SLC13A5: variants seen among roughly 807,000 people sequenced by gnomAD.
SLC13A5 encodes the protein Na(+)/citrate cotransporter.
Under a neutral mutation model 56.5 loss-of-function variants are expected in SLC13A5, and 25 were observed. The observed-to-expected ratio is 0.44, with a 90% CI of 0.32 to 0.62. SLC13A5 has a LOEUF of 0.62. SLC13A5 is among the 20% of genes least tolerant of loss of function. SLC13A5 has a pLI of 0.04. For synonymous variants in SLC13A5, 307 were observed against 301.5 expected, an observed-to-expected ratio of 1.02 and a Z score of -0.19; for missense variants, 649 against 737.8, an observed-to-expected ratio of 0.88 and a Z score of 1.39.
Position 6,693,178 on chromosome 17 carries a change from AACACACACACACACACACACAC to A in SLC13A5, c.1157-38_1157-17del, listed in dbSNP as rs200900896. On this transcript the variant is annotated splice_polypyrimidine_tract_variant and intron_variant, in intron 8 of 11. Transcript: ENST00000433363. ...GTTTTCCTTTCTGGGAAGAAAAAGA[AACACACACACACACACACACAC>A]ACACACACACACACACACACACACA... 66 of 697,956 alleles carry A rather than the reference AACACACACACACACACACACAC, an allele frequency of 9.5e-5. No individual in the cohort carries two copies. The highest frequency in any genetic ancestry group is 5.2e-4 in the East Asian group (15 of 28,646). The allele number at this position is 697,956 out of a possible 1,614,324, so 43.2% of individuals were successfully genotyped here.
intron 1 of SLC13A5, among the ~76,000 whole-genome samples, chr17:6,708,259 C>T (rs375616242): frequency 2.1e-4 from 32 of 152,228 alleles, no homozygotes; most frequent in African/African-American, 7.2e-4. Flanking sequence ...TGAGCCACCG[C>T]GCCCAACCTC....
chr17:6,706,895 G>A (rs1321033198), intron 2 of SLC13A5, 117 bp from the exon 3 acceptor site: 3 of 1,553,082 alleles, frequency 1.9e-6, no homozygotes, highest in Admixed American at 3.6e-5. Context: ...CTCGAGTGGT[G>A]TCTCCCTGCC....
At position 6,687,868 on chromosome 17, in the gene SLC13A5, A is replaced by G. The variant is rs940732505; in HGVS notation, c.1438-202T>C. 7.2e-6 allele frequency: 4 copies of G among 552,096 alleles called. No homozygotes were observed. Among genetic ancestry groups the G allele is most frequent in the African/African-American group, 5.9e-5 (3 of 51,090 alleles). 34.2% of individuals were successfully genotyped at this position (552,096 alleles called of 1,614,324 possible). A position where few individuals can be genotyped will look rare whatever the true frequency, so the allele number is the denominator to read the frequency against. ...GCTGAGGTCAGAGGCCACCTGCCCT[A>G]GAAGGCCTTACCCCCTCAATTCATT... On this transcript the variant is annotated intron_variant, in intron 10 of 11. Transcript: ENST00000433363. The surrounding 1 kb of genome is among the most constrained non-coding windows in gnomAD (Gnocchi z 5.0).
intron 1 of SLC13A5, among the ~76,000 whole-genome samples, chr17:6,709,786 C>G (rs532802028): frequency 6.6e-6 from 1 of 152,158 alleles, no homozygotes; most frequent in African/African-American, 2.4e-5. Context: ...CAGCATCCCA[C>G]GAGCAAACCA....
intron 4 of SLC13A5, among the ~76,000 whole-genome samples, chr17:6,703,516 A>G (rs1973775306): frequency 1.3e-5 from 2 of 152,164 alleles, no homozygotes; most frequent in Admixed American, 1.3e-4. Flanking sequence ...GAAGGATTTG[A>G]GCTGCTCGAG....
intron 3 of SLC13A5, chr17:6,704,380 G>T (rs1268545688): frequency 2.2e-6 from 1 of 462,674 alleles, no homozygotes. Context: ...TCTAGCAGGG[G>T]AAGCCCAGGC....
In SLC13A5 at chr17:6,697,078, C is replaced by T. The variant is rs567485484; in HGVS notation, c.840-1137G>A. ...CTAGGATCTCCCTGCTGGGCAAGGC[C>T]GTGTGTCCTGAGGGTCACCCGCTAG... On this transcript the variant is annotated intron_variant, in intron 6 of 11. Transcript: ENST00000433363. Among the ~76,000 whole-genome samples the T allele has an allele frequency of 1.4e-4, 21 of 152,254 alleles. 1 individual carries two copies. The East Asian group carries it at 4.1e-3, about 29-fold the overall frequency.
At chr17:6,703,196 C>T (rs1973765380) in intron 4 of SLC13A5, 58 bp from the exon 5 acceptor site, 29 of 1,597,484 alleles carry the variant, frequency 1.8e-5, no homozygotes, top group Non-Finnish European at 2.4e-5. Context: ...CACCCAGCCC[C>T]AGGTCCTGAC....
chr17:6,691,027 C>G, intron 9 of SLC13A5, 87 bp from the exon 10 acceptor site: 1 of 1,448,902 alleles, frequency 6.9e-7, no homozygotes, highest in South Asian at 1.3e-5. Context: ...ATCCTCCCCT[C>G]CCGACCCTCT....
Position 6,693,139 on chromosome 17 carries a change from G to A in SLC13A5, c.1180C>T (p.Pro394Ser). ...EEERKTPFYP[P>S]PLLDWKVTQE... Reference sequence around the variant, plus strand: ...GTTACCTTCCAATCCAGCAGGGGAGGGGGATAAAATGGAGTTTTCCTTTCT... The same window carrying A: ...GTTACCTTCCAATCCAGCAGGGGAGAGGGATAAAATGGAGTTTTCCTTTCT... The change falls in exon 9 of 12, where the codon CCT becomes TCT. Residue 394 changes from proline (P) to serine (S), a missense_variant. Pro to Ser is a moderately conservative substitution (Grantham distance 74, BLOSUM62 -1). Coordinates refer to ENST00000433363, the MANE Select transcript of SLC13A5 (RefSeq NM_177550.5). 1 of 1,603,802 alleles carries A rather than the reference G, an allele frequency of 6.2e-7. No homozygotes were observed. The highest frequency in any genetic ancestry group is 8.5e-7 in the Non-Finnish European group (1 of 1,175,424).
chr17:6,695,253 A>C (rs966995084), intron 7 of SLC13A5, among the ~76,000 whole-genome samples: 1 of 152,192 alleles, frequency 6.6e-6, no homozygotes, highest in Admixed American at 6.5e-5. Context: ...TCATGAAACC[A>C]ACAGAGTGCT....
Position 6,692,194 on chromosome 17 carries a change from T to C in SLC13A5, c.1275+850A>G, listed in dbSNP as rs1185546113. Among the ~76,000 whole-genome samples the C allele has an allele frequency of 6.6e-6, 1 of 150,786 alleles. No individual in the cohort carries two copies. Among genetic ancestry groups the C allele is most frequent in the African/African-American group, 2.4e-5 (1 of 40,850 alleles). Reference sequence around the variant, plus strand: ...ATGGGTGGATGGATGGATGGATAGATAGATGGGTGGATAGATAGATGGGTG... The same window carrying C: ...ATGGGTGGATGGATGGATGGATAGACAGATGGGTGGATAGATAGATGGGTG... On this transcript the variant is annotated intron_variant, in intron 9 of 11. Transcript: ENST00000433363. The surrounding 1 kb of genome is among the most constrained non-coding windows in gnomAD (Gnocchi z 5.5).
At chr17:6,686,530 G>C (rs1973256933) in intron 11 of SLC13A5, 192 bp from the exon 12 acceptor site, 8 of 622,790 alleles carry the variant, frequency 1.3e-5, no homozygotes, top group Non-Finnish European at 2.2e-5. Flanking sequence ...GCATCCCTGG[G>C]AAGTAGGCAG....
In SLC13A5 at chr17:6,685,491, G is replaced by A. The variant is rs1973218446; in HGVS notation, c.*716C>T. 1 of 152,494 alleles carries A rather than the reference G, an allele frequency of 6.6e-6. No homozygotes were observed. Among genetic ancestry groups the A allele is most frequent in the African/African-American group, 2.4e-5 (1 of 41,464 alleles). The allele number at this position is 152,494 out of a possible 1,614,324, so 9.4% of individuals were successfully genotyped here. ...AGGCTCACTGGAGAGGTGGGACAGG[G>A]GGCCAGTCGATTAAAACAGAACCAA... On this transcript the variant is annotated 3_prime_UTR_variant, in exon 12 of 12. Coordinates refer to ENST00000433363, the MANE Select transcript of SLC13A5 (RefSeq NM_177550.5). The surrounding 1 kb of genome is among the most constrained non-coding windows in gnomAD (Gnocchi z 4.2).
At chr17:6,695,258 A>G (rs1445416527) in intron 7 of SLC13A5, 1 of 161,096 alleles carries the variant, frequency 6.2e-6, no homozygotes, top group African/African-American at 2.4e-5. Context: ...AAACCAACAG[A>G]GTGCTCTCTG....
intron 5 of SLC13A5, among the ~76,000 whole-genome samples, chr17:6,702,592 C>T (rs1170646353): frequency 6.6e-6 from 1 of 152,190 alleles, no homozygotes; most frequent in East Asian, 1.9e-4. Context: ...CAAGTTTCAA[C>T]CAAGGACCCA....
intron 9 of SLC13A5, 141 bp from the exon 10 acceptor site, chr17:6,691,081 C>T: frequency 1.1e-6 from 1 of 909,572 alleles, no homozygotes; most frequent in Non-Finnish European, 1.6e-6. Context: ...CCACCATTTT[C>T]ATCCCCGTCC....
intron 3 of SLC13A5, chr17:6,704,506 T>C: frequency 3.0e-6 from 1 of 336,444 alleles, no homozygotes; most frequent in Non-Finnish European, 5.9e-6. Flanking sequence ...ACCCCCAAAC[T>C]CTGTTGCACC....
intron 8 of SLC13A5, 93 bp from the exon 9 acceptor site, chr17:6,693,255 A>T: frequency 1.2e-6 from 1 of 815,218 alleles, no homozygotes; most frequent in Non-Finnish European, 1.9e-6. Flanking sequence ...AAGACAAAAG[A>T]AATCTAATCA....
Sources: allele counts gnomAD v4.1 joint callset (sites outside exome capture counted in the v4.1 genomes callset), GRCh38; gene constraint gnomAD v4.1.1; non-coding constraint Gnocchi (gnomAD v3.1); transcripts MANE v1.5; gene names NCBI Gene and HGNC (gene_info 2026-07-23, HGNC 2026-07-21).